The following ZNF821 variants were observed in gnomAD, a reference collection of about 807,000 sequenced individuals.
The protein encoded by ZNF821 is zinc finger protein 821.
Under a neutral mutation model 44.3 loss-of-function variants are expected in ZNF821, and 16 were observed. The observed-to-expected ratio is 0.36, with a 90% CI of 0.24 to 0.55. The LOEUF (loss-of-function observed/expected upper bound fraction) is 0.55. Among genes scored for constraint, ZNF821 ranks in the 20% least tolerant of loss-of-function variants. ZNF821 has a pLI of 0.86. For synonymous variants in ZNF821, 204 were observed against 197.6 expected, an observed-to-expected ratio of 1.03 and a Z score of -0.27; for missense variants, 436 against 547.6, an observed-to-expected ratio of 0.80 and a Z score of 2.03.
chr16:71,880,825 A>G (rs2036341812), intron 2 of ZNF821, among the ~76,000 whole-genome samples: 1 of 152,184 alleles, frequency 6.6e-6, no homozygotes, highest in Admixed American at 6.5e-5. Context: ...AGCAAAGAGA[A>G]CAGTGGGAGG....
intron 3 of ZNF821, among the ~76,000 whole-genome samples, chr16:71,877,711 G>C (rs575105138): frequency 1.8e-4 from 28 of 151,870 alleles, no homozygotes; most frequent in African/African-American, 6.5e-4. Context: ...TTGAGCTCAG[G>C]AGTTCAAGAC....
intron 3 of ZNF821, among the ~76,000 whole-genome samples, chr16:71,872,503 C>T (rs2035319697): frequency 1.3e-5 from 2 of 152,154 alleles, no homozygotes; most frequent in African/African-American, 4.8e-5. Context: ...GTCCCAGCTA[C>T]TCGGGAGGCT....
intron 3 of ZNF821, among the ~76,000 whole-genome samples, chr16:71,870,341 T>C (rs754667843): frequency 2.0e-5 from 3 of 151,824 alleles, no homozygotes; most frequent in East Asian, 1.9e-4. Context: ...AGATGACACA[T>C]TGGATATAAA....
intron 1 of ZNF821, among the ~76,000 whole-genome samples, chr16:71,892,423 A>C (rs143102482): frequency 0.038 from 5,552 of 147,220 alleles, 320 homozygotes; most frequent in African/African-American, 0.13. Flanking sequence ...CCCGCCACCA[A>C]GCCCGGCTAA....
chr16:71,865,683 G>T (rs11642001), intron 4 of ZNF821, among the ~76,000 whole-genome samples: 1 of 152,070 alleles, frequency 6.6e-6, no homozygotes. Flanking sequence ...AGTGGTATCC[G>T]ACTCACTCGG....
chr16:71,869,427 T>C (rs981989159), intron 3 of ZNF821, among the ~76,000 whole-genome samples: 1 of 152,194 alleles, frequency 6.6e-6, no homozygotes, highest in African/African-American at 2.4e-5. Flanking sequence ...CAAACATTCA[T>C]TGGGCATCTA....
At chr16:71,887,956 G>C (rs1247690259), upstream of ZNF821, among the ~76,000 whole-genome samples, 2 of 150,592 alleles carry the variant, frequency 1.3e-5, no homozygotes, top group African/African-American at 2.5e-5. Context: ...TGACCTCCCT[G>C]AGCTCAGGTG....
At chr16:71,881,081 T>A (rs2036375019) in intron 2 of ZNF821, among the ~76,000 whole-genome samples, 1 of 152,216 alleles carries the variant, frequency 6.6e-6, no homozygotes, top group Non-Finnish European at 1.5e-5. Flanking sequence ...AAGACAGGAA[T>A]ATGGATCTGG....
chr16:71,871,293 G>A (rs188182129), intron 3 of ZNF821, among the ~76,000 whole-genome samples: 1 of 152,084 alleles, frequency 6.6e-6, no homozygotes, highest in Non-Finnish European at 1.5e-5. Flanking sequence ...TCCTGACTTG[G>A]GAAAAAGAAT....
intron 4 of ZNF821, among the ~76,000 whole-genome samples, chr16:71,866,806 G>C (rs1179664806): frequency 6.6e-6 from 1 of 152,152 alleles, no homozygotes; most frequent in African/African-American, 2.4e-5. Flanking sequence ...TTATGTTGTT[G>C]ATGTTGCTTA....
Position 71,860,004 on chromosome 16 carries a change from C to T in ZNF821, c.*14G>A. The T allele has an allele frequency of 6.4e-7, 1 of 1,561,490 alleles. No homozygotes were observed. Among genetic ancestry groups the T allele is most frequent in the Non-Finnish European group, 8.7e-7 (1 of 1,154,796 alleles). On this transcript the variant is annotated 3_prime_UTR_variant, in exon 8 of 8. Coordinates refer to ENST00000425432, the MANE Select transcript of ZNF821 (RefSeq NM_001201552.2). The surrounding 1 kb of genome is among the most constrained non-coding windows in gnomAD (Gnocchi z 7.3). The stretch of plus-strand genomic sequence containing the variant: ...GTAGGTAGGTGGGAAGGAGGGCAGG[C>T]AGGAGGGTGTGGTTCAGTGCAGAGA...
At chr16:71,880,110 C>T (rs1239666046) in intron 2 of ZNF821, 87 bp from the exon 3 acceptor site, 2 of 575,416 alleles carry the variant, frequency 3.5e-6, no homozygotes, top group Non-Finnish European at 6.0e-6. Flanking sequence ...TAAAAAACAG[C>T]TCCTGAGCAT....
At chr16:71,873,307 G>A (rs965451938) in intron 3 of ZNF821, among the ~76,000 whole-genome samples, 1 of 151,796 alleles carries the variant, frequency 6.6e-6, no homozygotes, top group African/African-American at 2.4e-5. Context: ...GGGCGACTGA[G>A]CAGGATGCTG....
Position 71,879,967 on chromosome 16 carries a change from C to T in ZNF821, c.-21G>A, listed in dbSNP as rs752547798. On this transcript the variant is annotated 5_prime_UTR_variant, in exon 3 of 8. Transcript: ENST00000425432. ...GACATGTTTCCCTGATGCAAGAGCT[C>T]TGGTCTTTCCCAGTTTCACGACTGG... 9 of 1,611,748 alleles carry T rather than the reference C, an allele frequency of 5.6e-6. No homozygotes were observed. Among genetic ancestry groups the T allele is most frequent in the Middle Eastern group, 1.7e-4 (1 of 6,060 alleles).
chr16:71,893,812 G>T (rs2036912000), intron 1 of ZNF821: 1 of 150,660 alleles, frequency 6.6e-6, no homozygotes, highest in Non-Finnish European at 1.5e-5. Context: ...TATTGCCTAG[G>T]CTAGATTGCA....
At chr16:71,885,912 C>T (rs1047243356), upstream of ZNF821, among the ~76,000 whole-genome samples, 2 of 152,174 alleles carry the variant, frequency 1.3e-5, no homozygotes, top group Non-Finnish European at 2.9e-5. Context: ...AAGAATACAA[C>T]CTAGAATACA....
intron 2 of ZNF821, chr16:71,881,299 G>C (rs1021002820): frequency 6.6e-6 from 1 of 152,174 alleles, no homozygotes; most frequent in Non-Finnish European, 1.5e-5. Context: ...CCTATAATCA[G>C]ATCCTGCCTC....
chr16:71,893,941 T>C (rs1426735813), intron 1 of ZNF821: 3 of 150,716 alleles, frequency 2.0e-5, no homozygotes, highest in South Asian at 4.2e-4. Flanking sequence ...TAATTTTTTC[T>C]TTTTTTTGTA....
At chr16:71,867,776 T>C (rs754774248) in intron 4 of ZNF821, 136 bp downstream of exon 4, 18 of 1,222,344 alleles carry the variant, frequency 1.5e-5, no homozygotes, top group South Asian at 1.7e-5. Flanking sequence ...TAGACCACCT[T>C]TGGGGACACT....
Sources: gnomAD v4.1 joint callset for allele counts (sites outside exome capture counted in the v4.1 genomes callset) on GRCh38, gnomAD v4.1.1 for gene constraint, Gnocchi (gnomAD v3.1) non-coding constraint, MANE v1.5 for transcripts, NCBI Gene and HGNC (gene_info 2026-07-23, HGNC 2026-07-21) for gene names.